TENM3: variants seen among roughly 807,000 people sequenced by gnomAD.
The protein encoded by TENM3 is teneurin transmembrane protein 3, also known as teneurin-3.
Under a neutral mutation model 255.1 loss-of-function variants are expected in TENM3, and 63 were observed. The observed-to-expected ratio is 0.25, with a 90% confidence interval of 0.20 to 0.30. The LOEUF is 0.30. Among genes scored for constraint, TENM3 ranks in the 10% least tolerant of loss-of-function variants. TENM3 has a pLI of 1.00. For synonymous variants in TENM3, 1,306 were observed against 1,322.3 expected, an observed-to-expected ratio of 0.99 and a Z score of 0.27; for missense variants, 2,929 against 3,461.1, an observed-to-expected ratio of 0.85 and a Z score of 3.86.
the TENM3 span, among the ~76,000 whole-genome samples, chr4:181,650,473 C>T: frequency 6.6e-6 from 1 of 152,160 alleles, no homozygotes; most frequent in Admixed American, 6.5e-5. Context: ...ACACTCTTCA[C>T]CCTCAACCTT....
intron 1 of TENM3, among the ~76,000 whole-genome samples, chr4:182,289,773 AG>A (rs1223239733): frequency 1.3e-5 from 2 of 152,176 alleles, no homozygotes; most frequent in Non-Finnish European, 2.9e-5. Flanking sequence ...CTGGCCTTGT[AG>A]AAGTTGAATT....
chr4:182,316,994 T>C (rs1232738952), intron 1 of TENM3, among the ~76,000 whole-genome samples: 1 of 152,230 alleles, frequency 6.6e-6, no homozygotes, highest in Non-Finnish European at 1.5e-5. Flanking sequence ...CACTGACTGA[T>C]GTCAATGGCT....
chr4:181,586,210 G>A, the TENM3 span, among the ~76,000 whole-genome samples: 1 of 152,186 alleles, frequency 6.6e-6, no homozygotes, highest in East Asian at 1.9e-4. Context: ...TTCCCTGACA[G>A]GCAGATGTCT....
the TENM3 span, among the ~76,000 whole-genome samples, chr4:181,917,728 C>G: frequency 6.9e-6 from 1 of 145,220 alleles, no homozygotes; most frequent in Non-Finnish European, 1.5e-5. Flanking sequence ...GTGGCATGAT[C>G]TCAGTTCACT....
At chr4:181,806,984 T>A in the TENM3 span, among the ~76,000 whole-genome samples, 1 of 151,710 alleles carries the variant, frequency 6.6e-6, no homozygotes, top group Non-Finnish European at 1.5e-5. Flanking sequence ...AGATACTCCA[T>A]CAATTAGTCA....
chr4:182,067,217 T>C, the TENM3 span, among the ~76,000 whole-genome samples: 1 of 152,238 alleles, frequency 6.6e-6, no homozygotes, highest in South Asian at 2.1e-4. Flanking sequence ...TATTACCTTA[T>C]CTCTTCATTG....
chr4:182,485,593 A>G (rs928943683), intron 3 of TENM3, among the ~76,000 whole-genome samples: 2 of 152,158 alleles, frequency 1.3e-5, no homozygotes, highest in Non-Finnish European at 1.5e-5. Flanking sequence ...AATATTTGAT[A>G]CTTTGCTTTA....
intron 1 of TENM3, among the ~76,000 whole-genome samples, chr4:182,195,919 T>C (rs1753809372): frequency 6.6e-6 from 1 of 152,184 alleles, no homozygotes; most frequent in South Asian, 2.1e-4. Context: ...TCCGAGGCTC[T>C]GGCTAGACCT....
At chr4:181,856,970 T>G in the TENM3 span, among the ~76,000 whole-genome samples, 11 of 152,200 alleles carry the variant, frequency 7.2e-5, no homozygotes, top group Non-Finnish European at 1.3e-4. Flanking sequence ...ATTTGACAGA[T>G]AGTTATTGAC....
chr4:181,786,851 T>C, the TENM3 span, among the ~76,000 whole-genome samples: 1 of 152,106 alleles, frequency 6.6e-6, no homozygotes, highest in Non-Finnish European at 1.5e-5. Flanking sequence ...AAAGTGTCAG[T>C]GTTTGGGGGT....
At chr4:182,295,403 G>A (rs1761420303) in intron 1 of TENM3, among the ~76,000 whole-genome samples, 1 of 151,572 alleles carries the variant, frequency 6.6e-6, no homozygotes, top group African/African-American at 2.4e-5. Flanking sequence ...AAGTGGCTAG[G>A]ATTACAGGCA....
At chr4:181,623,863 T>C in the TENM3 span, among the ~76,000 whole-genome samples, 6 of 152,140 alleles carry the variant, frequency 3.9e-5, no homozygotes. Flanking sequence ...AAGTGAAATA[T>C]GATGCATAGA....
the TENM3 span, among the ~76,000 whole-genome samples, chr4:181,599,700 G>A: frequency 6.6e-6 from 1 of 152,184 alleles, no homozygotes; most frequent in Non-Finnish European, 1.5e-5. Context: ...AGATTTAGGA[G>A]TGAAGAACAC....
At chr4:182,136,313 T>A in the TENM3 span, among the ~76,000 whole-genome samples, 1 of 152,226 alleles carries the variant, frequency 6.6e-6, no homozygotes, top group Non-Finnish European at 1.5e-5. Context: ...ACTTGCCTCA[T>A]GAATTTCCAG....
chr4:182,270,856 C>G (rs1759572679), intron 1 of TENM3, among the ~76,000 whole-genome samples: 1 of 152,148 alleles, frequency 6.6e-6, no homozygotes, highest in Admixed American at 6.6e-5. Flanking sequence ...CACTTCAAAA[C>G]TGCAGTATCT....
intron 3 of TENM3, among the ~76,000 whole-genome samples, chr4:182,353,054 C>T (rs929996615): frequency 6.6e-6 from 1 of 152,092 alleles, no homozygotes; most frequent in Admixed American, 6.5e-5. Flanking sequence ...TACTTGCGAT[C>T]ATTCTAGGAC....
At chr4:182,769,146 A>G (rs1482736485) in intron 22 of TENM3, among the ~76,000 whole-genome samples, 4 of 152,216 alleles carry the variant, frequency 2.6e-5, no homozygotes, top group East Asian at 3.9e-4. Flanking sequence ...GCCCAGAGGC[A>G]TATCTAGTTG....
At chr4:182,146,161 TTATC>T (rs1277910576) in intron 1 of TENM3, among the ~76,000 whole-genome samples, 1 of 152,232 alleles carries the variant, frequency 6.6e-6, no homozygotes, top group Non-Finnish European at 1.5e-5. Context: ...GTAATAATAA[TTATC>T]TATTTTAATA....
At chr4:181,960,305 C>T in the TENM3 span, among the ~76,000 whole-genome samples, 15 of 152,234 alleles carry the variant, frequency 9.9e-5, no homozygotes, top group African/African-American at 3.6e-4. Flanking sequence ...GTAATGGATT[C>T]TCTCAATAAT....
Sources: gnomAD v4.1 joint callset for allele counts (sites outside exome capture counted in the v4.1 genomes callset) on GRCh38, gnomAD v4.1.1 for gene constraint, MANE v1.5 for transcripts, NCBI Gene and HGNC (gene_info 2026-07-23, HGNC 2026-07-21) for gene names.